The following CNTNAP2 variants were observed in gnomAD, a reference collection of about 807,000 sequenced individuals.
The protein encoded by CNTNAP2 is contactin-associated protein-like 2.
A neutral mutation model predicts 155.2 loss-of-function variants in CNTNAP2; 98 were observed. The observed-to-expected ratio is 0.63, with a 90% CI of 0.54 to 0.75. CNTNAP2 has a LOEUF of 0.75. Ranked by LOEUF, CNTNAP2 falls within the 30% of genes least tolerant of loss-of-function variation. CNTNAP2 has a pLI of 0.00. For synonymous variants in CNTNAP2, 651 were observed against 631.2 expected, an observed-to-expected ratio of 1.03 and a Z score of -0.47; for missense variants, 1,727 against 1,688.1, an observed-to-expected ratio of 1.02 and a Z score of -0.40.
chr7:147,180,251 A>G (rs149835991), intron 8 of CNTNAP2, among the ~76,000 whole-genome samples: 1,743 of 152,332 alleles, frequency 0.011, 29 homozygotes, highest in African/African-American at 0.04. Context: ...CTATAAATAC[A>G]AAGCCCTAGA....
chr7:146,415,169 A>C (rs1443290438), intron 1 of CNTNAP2, among the ~76,000 whole-genome samples: 1 of 152,134 alleles, frequency 6.6e-6, no homozygotes, highest in Non-Finnish European at 1.5e-5. Context: ...CCATGAAGAA[A>C]GTAACTGCCA....
intron 15 of CNTNAP2, among the ~76,000 whole-genome samples, chr7:148,089,256 G>A (rs1487420177): frequency 6.6e-6 from 1 of 151,938 alleles, no homozygotes; most frequent in East Asian, 1.9e-4. Flanking sequence ...AGACAAGGAT[G>A]CCCACTCTTG....
intron 1 of CNTNAP2, among the ~76,000 whole-genome samples, chr7:146,235,951 A>AAT (rs1412979496): frequency 7.9e-6 from 1 of 126,570 alleles, no homozygotes; most frequent in African/African-American, 3.2e-5. Context: ...TACATATGGA[A>AAT]ATGTGTGTGT....
intron 1 of CNTNAP2, among the ~76,000 whole-genome samples, chr7:146,694,505 G>A (rs1159024552): frequency 6.6e-6 from 1 of 152,054 alleles, no homozygotes; most frequent in Non-Finnish European, 1.5e-5. Flanking sequence ...TGATCACTAT[G>A]GCCTAATATA....
At chr7:147,876,163 C>T (rs185835269) in intron 13 of CNTNAP2, among the ~76,000 whole-genome samples, 248 of 152,292 alleles carry the variant, frequency 1.6e-3, no homozygotes, top group African/African-American at 5.6e-3. Context: ...CCTTCGAATG[C>T]GTGAGTGTCT....
At chr7:147,090,082 A>C (rs1800368730) in intron 4 of CNTNAP2, among the ~76,000 whole-genome samples, 1 of 152,214 alleles carries the variant, frequency 6.6e-6, no homozygotes, top group African/African-American at 2.4e-5. Flanking sequence ...AATACAGAAC[A>C]GTAAGGGAGG....
At chr7:146,652,230 G>A (rs1799926577) in intron 1 of CNTNAP2, among the ~76,000 whole-genome samples, 1 of 114,366 alleles carries the variant, frequency 8.7e-6, no homozygotes, top group Admixed American at 8.0e-5. Context: ...ATGGCAAACT[G>A]GTAATGCCTT....
At chr7:147,399,554 G>A (rs1279366753) in intron 10 of CNTNAP2, among the ~76,000 whole-genome samples, 1 of 152,120 alleles carries the variant, frequency 6.6e-6, no homozygotes, top group Non-Finnish European at 1.5e-5. Flanking sequence ...CAGGAAGAAA[G>A]GAGATGCCAT....
At chr7:146,295,498 T>A (rs1800499364) in intron 1 of CNTNAP2, among the ~76,000 whole-genome samples, 1 of 152,060 alleles carries the variant, frequency 6.6e-6, no homozygotes, top group Non-Finnish European at 1.5e-5. Flanking sequence ...TCTCCCAGAG[T>A]ATTCAAATTT....
At chr7:146,453,019 G>A (rs1037644231) in intron 1 of CNTNAP2, among the ~76,000 whole-genome samples, 9 of 152,204 alleles carry the variant, frequency 5.9e-5, no homozygotes, top group African/African-American at 2.2e-4. Context: ...ATGTCATGCA[G>A]GTCCAGGAGG....
chr7:148,030,186 A>T (rs1217042020), intron 15 of CNTNAP2, among the ~76,000 whole-genome samples: 1 of 152,164 alleles, frequency 6.6e-6, no homozygotes, highest in Non-Finnish European at 1.5e-5. Context: ...GCTTTTCTTA[A>T]TCCTCTTTTG....
intron 18 of CNTNAP2, among the ~76,000 whole-genome samples, chr7:148,187,253 T>G (rs1795133546): frequency 6.6e-6 from 1 of 152,182 alleles, no homozygotes; most frequent in African/African-American, 2.4e-5. Context: ...ACCGTATCCA[T>G]GCTTTTGTGT....
intron 9 of CNTNAP2, among the ~76,000 whole-genome samples, chr7:147,385,245 G>A (rs1015569452): frequency 3.3e-5 from 5 of 152,132 alleles, no homozygotes; most frequent in Admixed American, 6.6e-5. Flanking sequence ...TGGGGACACA[G>A]CCAAACCATA....
chr7:147,326,526 C>T (rs2116832032), intron 9 of CNTNAP2, among the ~76,000 whole-genome samples: 1 of 152,240 alleles, frequency 6.6e-6, no homozygotes. Context: ...CCTCTGCTTC[C>T]ACTTCTTTTA....
intron 13 of CNTNAP2, among the ~76,000 whole-genome samples, chr7:147,750,091 G>C (rs1321815675): frequency 6.6e-6 from 1 of 152,224 alleles, no homozygotes; most frequent in African/African-American, 2.4e-5. Flanking sequence ...AAAGTTGGCT[G>C]TATTGAAATC....
At chr7:147,377,864 T>C (rs2116926150) in intron 9 of CNTNAP2, among the ~76,000 whole-genome samples, 1 of 152,070 alleles carries the variant, frequency 6.6e-6, no homozygotes, top group African/African-American at 2.4e-5. Flanking sequence ...AATGTGCTGT[T>C]ATAGCATGCT....
intron 1 of CNTNAP2, among the ~76,000 whole-genome samples, chr7:146,315,321 C>T (rs931671787): frequency 6.6e-6 from 1 of 152,124 alleles, no homozygotes; most frequent in Non-Finnish European, 1.5e-5. Flanking sequence ...CTAAGAGCCC[C>T]TCCCCCTTGC....
chr7:146,931,650 T>G (rs1414765697), intron 3 of CNTNAP2, among the ~76,000 whole-genome samples: 4 of 150,746 alleles, frequency 2.7e-5, no homozygotes, highest in Non-Finnish European at 4.4e-5. Context: ...ATCCAGGAAC[T>G]GGTTTTTTGA....
chr7:148,177,184 A>T (rs1369738143), intron 18 of CNTNAP2, among the ~76,000 whole-genome samples: 1 of 152,206 alleles, frequency 6.6e-6, no homozygotes, highest in Non-Finnish European at 1.5e-5. Context: ...ATGTCCACCT[A>T]GGACTTCAGA....
Sources: gnomAD v4.1 joint callset for allele counts (sites outside exome capture counted in the v4.1 genomes callset) on GRCh38, gnomAD v4.1.1 for gene constraint, MANE v1.5 for transcripts, NCBI Gene and HGNC (gene_info 2026-07-23, HGNC 2026-07-21) for gene names.